UTRN: variants seen among roughly 807,000 people sequenced by gnomAD.
UTRN encodes dystrophin-related protein 1.
UTRN carries 283 observed loss-of-function variants against 463.9 expected under a neutral mutation model. The observed-to-expected ratio is 0.61, with a 90% confidence interval of 0.55 to 0.67. UTRN has a LOEUF of 0.67. Ranked by LOEUF, UTRN falls within the 30% of genes least tolerant of loss-of-function variation. The probability of loss-of-function intolerance (pLI) is 0.00; values close to 1 mark genes in which losing one functional copy is unlikely to be tolerated. For synonymous variants in UTRN, 1,442 were observed against 1,431.5 expected, an observed-to-expected ratio of 1.01 and a Z score of -0.17; for missense variants, 3,922 against 4,084.3, an observed-to-expected ratio of 0.96 and a Z score of 1.08.
At chr6:144,725,070 C>T (rs1464208554) in intron 53 of UTRN, among the ~76,000 whole-genome samples, 2 of 152,198 alleles carry the variant, frequency 1.3e-5, no homozygotes, top group East Asian at 3.9e-4. Flanking sequence ...CCAAATCTCA[C>T]TGAATTGTAA....
chr6:144,328,395 G>A (rs961600548), intron 2 of UTRN, among the ~76,000 whole-genome samples: 4 of 152,030 alleles, frequency 2.6e-5, no homozygotes, highest in Non-Finnish European at 5.9e-5. Context: ...GTTACCAGAA[G>A]TTTCATCAAA....
At chr6:144,841,944 T>A (rs1289253895) in intron 73 of UTRN, among the ~76,000 whole-genome samples, 1 of 151,774 alleles carries the variant, frequency 6.6e-6, no homozygotes, top group Non-Finnish European at 1.5e-5. Context: ...ACCCTGTCGC[T>A]ACTAAAAATA....
chr6:144,459,330 G>A lies in UTRN; in HGVS notation c.2683G>A (p.Asp895Asn). The A allele has an allele frequency of 1.9e-6, 3 of 1,606,210 alleles. No homozygotes were observed. The highest frequency in any genetic ancestry group is 4.5e-5 in the East Asian group (2 of 44,768). ...RYQAVQEAVE[D>N]RQQHLENELK... ...CCAAGCTGTACAAGAGGCTGTAGAG[G>A]ATCGTCAACAACATCTAGAGAATGG... The change falls in exon 21 of 75, where the codon GAT becomes AAT. Residue 895 changes from aspartate (D) to asparagine (N), a missense_variant. Coordinates refer to ENST00000367545, the MANE Select transcript of UTRN (RefSeq NM_007124.3).
chr6:144,560,607 G>A (rs1234758626), intron 50 of UTRN, among the ~76,000 whole-genome samples: 1 of 152,144 alleles, frequency 6.6e-6, no homozygotes, highest in African/African-American at 2.4e-5. Context: ...GCAGCATAAT[G>A]TGTGAAGTTC....
At chr6:144,519,520 T>C (rs1335340537) in intron 39 of UTRN, among the ~76,000 whole-genome samples, 1 of 152,240 alleles carries the variant, frequency 6.6e-6, no homozygotes, top group Non-Finnish European at 1.5e-5. Context: ...TTTGTGTTTC[T>C]GTGTCCTTGG....
At chr6:144,646,715 CT>C (rs1778341883) in intron 51 of UTRN, among the ~76,000 whole-genome samples, 1 of 152,062 alleles carries the variant, frequency 6.6e-6, no homozygotes, top group Admixed American at 6.6e-5. Flanking sequence ...CAGGGGGCGG[CT>C]TTTAATTTGA....
At position 144,836,315 on chromosome 6, in the gene UTRN, A is replaced by C; in HGVS notation, c.9839A>C (p.Glu3280Ala). ...LEEEQRNLQVEYEQLKDQHLR... is the reference protein window; with the variant it reads ...LEEEQRNLQVAYEQLKDQHLR... Reference sequence around the variant, plus strand: ...TTCTGTATTAGAAATCTACAGGTGGAGTATGAGCAGCTGAAGGACCAGCAC... The same window carrying C: ...TTCTGTATTAGAAATCTACAGGTGGCGTATGAGCAGCTGAAGGACCAGCAC... Residue 3280 changes from glutamate to alanine, a missense_variant, in exon 71 of 75, where the codon GAG becomes GCG. Glu to Ala is a moderately radical substitution (Grantham distance 107). Transcript: ENST00000367545. 1 of 1,614,108 alleles carries C rather than the reference A, an allele frequency of 6.2e-7. No homozygotes were observed. Among genetic ancestry groups the C allele is most frequent in the Non-Finnish European group, 8.5e-7 (1 of 1,179,986 alleles).
At chr6:144,720,754 A>T (rs958896658) in intron 53 of UTRN, among the ~76,000 whole-genome samples, 3 of 151,940 alleles carry the variant, frequency 2.0e-5, no homozygotes, top group African/African-American at 7.3e-5. Flanking sequence ...CACACAGCTC[A>T]TGTGTGTTTG....
intron 2 of UTRN, among the ~76,000 whole-genome samples, chr6:144,396,248 A>G (rs532631260): frequency 2.0e-5 from 3 of 152,376 alleles, no homozygotes; most frequent in East Asian, 3.9e-4. Context: ...CCTTGAAAAC[A>G]TTATGCTAAA....
chr6:144,620,538 A>T (rs2128647166), intron 51 of UTRN, among the ~76,000 whole-genome samples: 1 of 152,204 alleles, frequency 6.6e-6, no homozygotes, highest in Middle Eastern at 3.4e-3. Context: ...CTGTGCTGAG[A>T]TGTATGTAGT....
At chr6:144,765,933 T>G (rs1793271489) in intron 58 of UTRN, among the ~76,000 whole-genome samples, 1 of 152,126 alleles carries the variant, frequency 6.6e-6, no homozygotes, top group East Asian at 1.9e-4. Context: ...TTCTCTTAAG[T>G]TAATTTTTGT....
chr6:144,701,620 A>AT (rs1300176926), intron 53 of UTRN, among the ~76,000 whole-genome samples: 2 of 151,936 alleles, frequency 1.3e-5, no homozygotes, highest in African/African-American at 4.8e-5. Flanking sequence ...ATTTTATTGT[A>AT]TTTTTCACTC....
chr6:144,361,545 G>A (rs1187259391), intron 2 of UTRN, among the ~76,000 whole-genome samples: 1 of 151,976 alleles, frequency 6.6e-6, no homozygotes, highest in East Asian at 1.9e-4. Flanking sequence ...GCATTGCGGG[G>A]CTGATAAGGA....
chr6:144,453,995 A>G (rs911990100), intron 19 of UTRN, 126 bp downstream of exon 19: 1 of 768,634 alleles, frequency 1.3e-6, no homozygotes, highest in Non-Finnish European at 2.0e-6. Flanking sequence ...ATGGTTTTCA[A>G]AAATGTTTTT....
intron 43 of UTRN, 40 bp downstream of exon 43, chr6:144,533,300 A>C (rs1478572598): frequency 1.9e-6 from 3 of 1,593,534 alleles, no homozygotes; most frequent in South Asian, 1.1e-5. Flanking sequence ...AGGAGTGAAC[A>C]TATTTTGGAT....
intron 12 of UTRN, 151 bp downstream of exon 12, chr6:144,439,046 A>C: frequency 1.2e-6 from 1 of 830,366 alleles, no homozygotes. Context: ...TGGAATTGAT[A>C]GAGATGAGAC....
chr6:144,828,979 C>T (rs895379842), intron 69 of UTRN, 124 bp downstream of exon 69: 16 of 1,069,552 alleles, frequency 1.5e-5, no homozygotes, highest in Non-Finnish European at 2.2e-5. Flanking sequence ...AGTGTGGTTC[C>T]AAAAATTTCT....
chr6:144,492,222 T>C (rs1793138001), intron 32 of UTRN, among the ~76,000 whole-genome samples: 1 of 152,232 alleles, frequency 6.6e-6, no homozygotes, highest in Non-Finnish European at 1.5e-5. Flanking sequence ...TCCATCTTTA[T>C]GTGCATGTGT....
chr6:144,374,938 T>TC (rs1177345331), intron 2 of UTRN, among the ~76,000 whole-genome samples: 1 of 128,146 alleles, frequency 7.8e-6, no homozygotes, highest in Non-Finnish European at 1.6e-5. Context: ...AGAGTGAGAC[T>TC]CCATCTCAAA....
Sources: gnomAD v4.1 joint callset for allele counts (sites outside exome capture counted in the v4.1 genomes callset) on GRCh38, gnomAD v4.1.1 for gene constraint, MANE v1.5 for transcripts, NCBI Gene and HGNC (gene_info 2026-07-23, HGNC 2026-07-21) for gene names.